CYREN: variants seen among roughly 807,000 people sequenced by gnomAD.
CYREN encodes cell cycle regulator of NHEJ, also known as cell cycle regulator of non-homologous end joining.
A neutral mutation model predicts 9.7 loss-of-function variants in CYREN; 7 were observed. The observed-to-expected ratio is 0.72, with a 90% CI of 0.41 to 1.36. CYREN has a LOEUF of 1.36. Ranked by LOEUF, CYREN falls within the 40% of genes most tolerant of loss-of-function variation. CYREN has a pLI of 0.01. For missense variants in CYREN, 215 were observed against 198.1 expected, an observed-to-expected ratio of 1.09 and a Z score of -0.51; for synonymous variants, 76 against 77.9, an observed-to-expected ratio of 0.98 and a Z score of 0.13.
rs143397857 is a variant in CYREN at position 135,099,318 on chromosome 7, T to C, written n.357-4736A>G. Reference sequence around the variant, plus strand: ...GTATTTATATTGTTTGCTGTTCTCTTGAAACAGTTTAATTTAAAGGCTTCC... The same window carrying C: ...GTATTTATATTGTTTGCTGTTCTCTCGAAACAGTTTAATTTAAAGGCTTCC... On this transcript the variant is annotated intron_variant and non_coding_transcript_variant, in intron 2 of 2. Transcript: ENST00000459937. Among the ~76,000 whole-genome samples, 111 of 152,284 alleles carry C rather than the reference T, an allele frequency of 7.3e-4. 3 individuals carry two copies. The South Asian group carries it at 0.011, about 15-fold the overall frequency.
intron 2 of CYREN, chr7:135,128,992 A>C: frequency 1.9e-6 from 3 of 1,594,600 alleles, no homozygotes; most frequent in Non-Finnish European, 1.7e-6. Context: ...AGGCATGTGT[A>C]CTGCAAAGAC....
rs1260656282 is a variant in CYREN, at chr7:135,151,158, TCAAAA to T, written n.356+17586_356+17590del. ...TATTTACATGGAATAATTAAGTAAA[TCAAAA>T]CATCACAGCATTCATTAAAAACTTG... On this transcript the variant is annotated intron_variant and non_coding_transcript_variant, in intron 2 of 2. Transcript: ENST00000459937. The surrounding 1 kb of genome is among the most constrained non-coding windows in gnomAD (Gnocchi z 4.3). Among the ~76,000 whole-genome samples the T allele has an allele frequency of 2.6e-5, 4 of 152,168 alleles. No individual in the cohort carries two copies. The highest frequency in any genetic ancestry group is 9.6e-5 in the African/African-American group (4 of 41,458).
At chr7:135,166,917 C>A in intron 3 of CYREN, 46 bp from the exon 4 acceptor site, 1 of 1,590,578 alleles carries the variant, frequency 6.3e-7, no homozygotes, top group South Asian at 1.1e-5. Flanking sequence ...TGTTTTATTT[C>A]CCTAACATGC....
chr7:135,120,047 A>T (rs569402551), intron 2 of CYREN, among the ~76,000 whole-genome samples: 2 of 152,332 alleles, frequency 1.3e-5, no homozygotes, highest in East Asian at 3.9e-4. Flanking sequence ...AAAATAAGGG[A>T]GAAGTCAAGA....
chr7:135,163,173 T>C (rs573411337), downstream of CYREN, among the ~76,000 whole-genome samples: 8 of 152,366 alleles, frequency 5.3e-5, no homozygotes, highest in African/African-American at 1.7e-4. Context: ...ATCATGTTTT[T>C]GAAGAATATT....
intron 2 of CYREN, among the ~76,000 whole-genome samples, chr7:135,156,030 CTGTTT>C (rs1422065706): frequency 8.6e-6 from 1 of 116,082 alleles, no homozygotes; most frequent in Non-Finnish European, 2.0e-5. Context: ...GACAGACACA[CTGTTT>C]TTTTTTTTCC....
chr7:135,093,330 A>C (rs890183238), exon 3 of CYREN: 2 of 152,246 alleles, frequency 1.3e-5, no homozygotes, highest in East Asian at 3.9e-4. Flanking sequence ...TATTAGCACT[A>C]ATAAATGAGT....
intron 2 of CYREN, among the ~76,000 whole-genome samples, chr7:135,110,184 T>A (rs892212571): frequency 6.6e-6 from 1 of 152,226 alleles, no homozygotes; most frequent in African/African-American, 2.4e-5. Flanking sequence ...GGGAGCTCTG[T>A]CTCAGGGAGG....
intron 2 of CYREN, among the ~76,000 whole-genome samples, chr7:135,098,336 T>C (rs1228286445): frequency 6.6e-6 from 1 of 152,208 alleles, no homozygotes; most frequent in Non-Finnish European, 1.5e-5. Context: ...TCCTCCAGTA[T>C]GCTTTAAGTC....
chr7:135,112,795 A>G (rs758353034), intron 2 of CYREN, among the ~76,000 whole-genome samples: 6 of 152,208 alleles, frequency 3.9e-5, no homozygotes, highest in Non-Finnish European at 7.4e-5. Context: ...TTTTTTTGAG[A>G]TGGAGTATTG....
intron 2 of CYREN, among the ~76,000 whole-genome samples, chr7:135,116,881 C>G (rs956900525): frequency 2.0e-5 from 3 of 152,092 alleles, no homozygotes; most frequent in Non-Finnish European, 4.4e-5. Flanking sequence ...TTGTTGAGAG[C>G]TTTTTGTGCA....
At chr7:135,096,353 A>G (rs909268152) in intron 2 of CYREN, among the ~76,000 whole-genome samples, 22 of 149,680 alleles carry the variant, frequency 1.5e-4, no homozygotes, top group Non-Finnish European at 4.4e-5. Context: ...GAAAGAAAGA[A>G]AGAGAGAGAC....
intron 2 of CYREN, among the ~76,000 whole-genome samples, chr7:135,156,952 C>G (rs1161220431): frequency 1.3e-5 from 2 of 152,170 alleles, no homozygotes. Context: ...AGGGTTTCTG[C>G]TTTTGCTTCC....
intron 2 of CYREN, among the ~76,000 whole-genome samples, chr7:135,108,858 T>C (rs1254204250): frequency 1.3e-5 from 2 of 152,216 alleles, no homozygotes. Context: ...AATCCATGTT[T>C]CTCAGAGGTT....
intron 2 of CYREN, among the ~76,000 whole-genome samples, chr7:135,096,794 A>AG (rs1822966562): frequency 5.3e-5 from 8 of 151,074 alleles, no homozygotes; most frequent in South Asian, 4.2e-4. Context: ...AAAGAAAGAA[A>AG]AAGGGAAGAA....
chr7:135,165,174 C>T, downstream of CYREN: 1 of 648,520 alleles, frequency 1.5e-6, no homozygotes, highest in Non-Finnish European at 2.6e-6. Flanking sequence ...AGCCAGGGCA[C>T]CTGTGACTTC....
At chr7:135,115,459 T>C (rs1301413191) in intron 2 of CYREN, 2 of 1,551,354 alleles carry the variant, frequency 1.3e-6, no homozygotes, top group Non-Finnish European at 8.7e-7. Flanking sequence ...ATTGGACAGA[T>C]GATGAAAAAA....
At chr7:135,136,233 C>G (rs534390222) in intron 2 of CYREN, among the ~76,000 whole-genome samples, 34 of 152,136 alleles carry the variant, frequency 2.2e-4, no homozygotes, top group African/African-American at 7.9e-4. Context: ...AAATACAGGC[C>G]ACAGCCTAAT....
chr7:135,131,459 T>TA (rs111322207), intron 2 of CYREN, among the ~76,000 whole-genome samples: 72,266 of 149,810 alleles, frequency 0.48, 17,673 homozygotes, highest in South Asian at 0.65. Context: ...AAACAAAAAT[T>TA]AAAAAAAAAA....
Sources: allele counts gnomAD v4.1 joint callset (sites outside exome capture counted in the v4.1 genomes callset), GRCh38; gene constraint gnomAD v4.1.1; non-coding constraint Gnocchi (gnomAD v3.1); transcripts MANE v1.5; gene names NCBI Gene and HGNC (gene_info 2026-07-23, HGNC 2026-07-21).